NR5A2: variants seen among roughly 807,000 people sequenced by gnomAD.
The protein encoded by NR5A2 is nuclear receptor subfamily 5 group A member 2.
NR5A2 carries 26 observed loss-of-function variants against 62.7 expected under a neutral mutation model. The observed-to-expected ratio is 0.41, with a 90% confidence interval of 0.30 to 0.58. NR5A2 has a LOEUF of 0.58. Among genes scored for constraint, NR5A2 ranks in the 20% least tolerant of loss-of-function variants. The pLI, the probability that NR5A2 is intolerant of heterozygous loss-of-function variation, is 0.22. For synonymous variants in NR5A2, 246 were observed against 241.7 expected (o/e 1.02, Z -0.16); for missense variants, 541 against 669.1 (o/e 0.81, Z 2.11).
At chr1:200,142,522 ATT>A (rs1193759270) in intron 7 of NR5A2, among the ~76,000 whole-genome samples, 2 of 151,358 alleles carry the variant, frequency 1.3e-5, no homozygotes, top group African/African-American at 4.9e-5. Flanking sequence ...TTAAAAAAAA[ATT>A]ATTATTATCA....
At chr1:200,035,884 G>A (rs1026103096) in intron 1 of NR5A2, among the ~76,000 whole-genome samples, 8 of 152,310 alleles carry the variant, frequency 5.3e-5, no homozygotes, top group African/African-American at 1.9e-4. Flanking sequence ...CAAAGAAATT[G>A]AGAACGCGCA....
At chr1:200,117,531 T>C (rs1397114032) in intron 6 of NR5A2, among the ~76,000 whole-genome samples, 1 of 152,226 alleles carries the variant, frequency 6.6e-6, no homozygotes, top group Non-Finnish European at 1.5e-5. Flanking sequence ...TCCTTTCCGT[T>C]ATAGTGTACT....
At chr1:200,112,494 G>A (rs930388904) in intron 6 of NR5A2, among the ~76,000 whole-genome samples, 6 of 152,174 alleles carry the variant, frequency 3.9e-5, no homozygotes, top group Non-Finnish European at 7.3e-5. Flanking sequence ...TTTATGTGCT[G>A]TGAAACCACA....
intron 5 of NR5A2, among the ~76,000 whole-genome samples, chr1:200,105,187 T>C (rs563391525): frequency 6.6e-6 from 1 of 152,158 alleles, no homozygotes. Flanking sequence ...CTTGAATTCC[T>C]GGATGCAAGT....
At chr1:200,038,792 A>G in intron 1 of NR5A2, 1 of 1,310,216 alleles carries the variant, frequency 7.6e-7, no homozygotes, top group Non-Finnish European at 1.0e-6. Flanking sequence ...GGCTGCATTT[A>G]CATCCCCCCG....
chr1:200,115,921 G>A (rs1468832734), intron 6 of NR5A2, among the ~76,000 whole-genome samples: 2 of 151,520 alleles, frequency 1.3e-5, no homozygotes, highest in Admixed American at 1.3e-4. Flanking sequence ...ACAGTGACAG[G>A]CAATTACTAG....
chr1:200,139,537 G>C (rs2102342326), intron 7 of NR5A2, among the ~76,000 whole-genome samples: 1 of 152,292 alleles, frequency 6.6e-6, no homozygotes, highest in South Asian at 2.1e-4. Context: ...TGATCTTGGA[G>C]AGAGATCCAA....
At chr1:200,096,124 G>C (rs887905744) in intron 5 of NR5A2, among the ~76,000 whole-genome samples, 2 of 151,620 alleles carry the variant, frequency 1.3e-5, no homozygotes, top group Non-Finnish European at 2.9e-5. Context: ...TTTTGAGGTG[G>C]AGTCTGTCAC....
intron 5 of NR5A2, among the ~76,000 whole-genome samples, chr1:200,067,767 G>A (rs987461522): frequency 2.3e-4 from 35 of 152,108 alleles, no homozygotes; most frequent in African/African-American, 7.7e-4. Flanking sequence ...ATGTACCCCC[G>A]AACCTAAAAT....
At chr1:200,160,584 A>T (rs1041777373) in intron 7 of NR5A2, among the ~76,000 whole-genome samples, 2 of 152,198 alleles carry the variant, frequency 1.3e-5, no homozygotes, top group African/African-American at 2.4e-5. Context: ...ATGCAAATAC[A>T]GTCTTCATCC....
Position 200,039,629 on chromosome 1 carries a change from G to A in NR5A2, c.65-29G>A, listed in dbSNP as rs772108445. On this transcript the variant is annotated intron_variant, in intron 1 of 7. Transcript: ENST00000367362. The surrounding 1 kb of genome is among the most constrained non-coding windows in gnomAD (Gnocchi z 5.1). ...CGGTCGCCCCTTCCTTCTTTTCGCC[G>A]GAGTTGAATCTGTGCTGCCCGTGTC... 3.2e-5 allele frequency: 51 copies of A among 1,608,462 alleles called. 1 individual carries two copies. The Middle Eastern group carries it at 6.6e-4, about 21-fold the overall frequency.
rs1336020387 is a variant in NR5A2, at chr1:200,144,231, TCTCACACACACA to T, written c.1378+23278_1378+23289del. ...AGCACTGTTTCTCTCTCTCTCTCTC[TCTCACACACACA>T]CACACACACACACACACACACACAC... On this transcript the variant is annotated intron_variant, in intron 7 of 7. Transcript: ENST00000367362. 5.9e-3 allele frequency among the ~76,000 whole-genome samples: 420 copies of T among 70,850 alleles called. 2 individuals carry two copies. Among genetic ancestry groups the T allele is most frequent in the Middle Eastern group, 9.1e-3 (1 of 110 alleles). 46.5% of individuals were successfully genotyped at this position (70,850 alleles called of 152,430 possible). A position where few individuals can be genotyped will look rare whatever the true frequency, so the allele number is the denominator to read the frequency against.
intron 5 of NR5A2, among the ~76,000 whole-genome samples, chr1:200,083,099 G>A (rs1210846328): frequency 6.6e-6 from 1 of 152,158 alleles, no homozygotes; most frequent in East Asian, 1.9e-4. Flanking sequence ...TAATAGTAAG[G>A]TTAAGCAAGA....
intron 7 of NR5A2, among the ~76,000 whole-genome samples, chr1:200,154,048 A>C (rs1288054182): frequency 6.6e-6 from 1 of 152,242 alleles, no homozygotes; most frequent in African/African-American, 2.4e-5. Flanking sequence ...ATTTATGCAA[A>C]TTATGGTAAG....
At chr1:200,094,316 C>G (rs995626044) in intron 5 of NR5A2, among the ~76,000 whole-genome samples, 1 of 151,008 alleles carries the variant, frequency 6.6e-6, no homozygotes, top group Non-Finnish European at 1.5e-5. Context: ...TCCAGAATAG[C>G]TGGGGTTACA....
At chr1:200,165,364 G>T (rs61826187) in intron 7 of NR5A2, among the ~76,000 whole-genome samples, 4 of 152,046 alleles carry the variant, frequency 2.6e-5, no homozygotes, top group Non-Finnish European at 4.4e-5. Context: ...CCCAAAGTCC[G>T]CTGTTCACAT....
intron 5 of NR5A2, among the ~76,000 whole-genome samples, chr1:200,109,065 G>A (rs1472027009): frequency 6.6e-6 from 1 of 152,184 alleles, no homozygotes; most frequent in Non-Finnish European, 1.5e-5. Context: ...TCCCGCACCA[G>A]AATCATTTTC....
At chr1:200,130,278 GGAAGAAGAAGAAGAA>G (rs66507419) in intron 7 of NR5A2, among the ~76,000 whole-genome samples, 3,311 of 106,468 alleles carry the variant, frequency 0.031, 132 homozygotes, top group African/African-American at 0.084. Flanking sequence ...GAACTAACTA[GGAAGAAGAAGAAGAA>G]GAAGAAGAAG....
At chr1:200,065,514 T>A (rs1401485629) in intron 5 of NR5A2, among the ~76,000 whole-genome samples, 1 of 152,226 alleles carries the variant, frequency 6.6e-6, no homozygotes, top group African/African-American at 2.4e-5. Context: ...TGACACCAAA[T>A]CATCCTTCCA....
Sources: gnomAD v4.1 joint callset for allele counts (sites outside exome capture counted in the v4.1 genomes callset) on GRCh38, gnomAD v4.1.1 for gene constraint, Gnocchi (gnomAD v3.1) non-coding constraint, MANE v1.5 for transcripts, NCBI Gene and HGNC (gene_info 2026-07-23, HGNC 2026-07-21) for gene names.